UBQLN4: variants seen among roughly 807,000 people sequenced by gnomAD.
UBQLN4 encodes the protein ubiquilin 4.
In UBQLN4, 11 loss-of-function variants were observed where a neutral mutation model predicts 60.4. That is an observed-to-expected ratio of 0.18 (90% CI 0.11 to 0.30). UBQLN4 has a LOEUF of 0.30. Ranked by LOEUF, UBQLN4 falls within the 10% of genes least tolerant of loss-of-function variation. UBQLN4 has a pLI of 1.00. For synonymous variants in UBQLN4, 258 were observed against 313.1 expected (o/e 0.82, Z 1.86); for missense variants, 417 against 795.5 (o/e 0.52, Z 5.72).
chr1:156,035,814 C>T lies in UBQLN4; in HGVS notation c.*1164G>A. The T allele has an allele frequency of 1.6e-5, 16 of 985,498 alleles. No homozygotes were observed. Among genetic ancestry groups the T allele is most frequent in the Non-Finnish European group, 1.9e-5 (16 of 829,928 alleles). 61.0% of individuals were successfully genotyped at this position (985,498 alleles called of 1,614,324 possible). ...ATATATATTCCTGCAATGGACTGAC[C>T]TTTTTACCCACTTGTCTCTGGTGGT... On this transcript the variant is annotated 3_prime_UTR_variant, in exon 11 of 11. Transcript: ENST00000368309.
rs1208696063 is a variant in UBQLN4, at chr1:156,044,029, G to T, written c.1095C>A (p.Pro365=). 5 of 1,612,246 alleles carry T rather than the reference G, an allele frequency of 3.1e-6. No homozygotes were observed. Among genetic ancestry groups the T allele is most frequent in the Non-Finnish European group, 4.2e-6 (5 of 1,178,990 alleles). ...CCAGGCTAGCCGCATTGATCCCAAA[G>T]GGGTTCGAGACTGTCGGGTGCACCT... ...TSQVHPTVSN[P]FGINAASLGS... is the part of the protein sequence containing the mutation. The change falls in exon 6 of 11, where the codon CCC becomes CCA. Residue 365 remains proline, a synonymous_variant. Coordinates refer to ENST00000368309, the MANE Select transcript of UBQLN4 (RefSeq NM_020131.5).
intron 2 of UBQLN4, 60 bp from the exon 3 acceptor site, chr1:156,051,387 G>A: frequency 6.6e-7 from 1 of 1,526,028 alleles, no homozygotes; most frequent in Non-Finnish European, 8.9e-7. Context: ...AAGGTACCGT[G>A]ACAATCTCTG....
At position 156,053,683 on chromosome 1, in the gene UBQLN4, C is replaced by A. The variant is rs1465853832; in HGVS notation, c.19G>T (p.Ala7Ser). 14 of 1,310,584 alleles carry A rather than the reference C, an allele frequency of 1.1e-5. No individual in the cohort carries two copies. In the South Asian group the frequency reaches 2.4e-4, roughly 23 times the overall value. 81.2% of individuals were successfully genotyped at this position (1,310,584 alleles called of 1,614,324 possible). A position where few individuals can be genotyped will look rare whatever the true frequency, so the allele number is the denominator to read the frequency against. The change falls in exon 1 of 11, where the codon GCC (alanine) becomes TCC (serine). Residue 7 changes from alanine (A) to serine (S), a missense_variant. By Grantham distance (99) the Ala-to-Ser change is moderately conservative. Transcript: ENST00000368309. The stretch of plus-strand genomic sequence containing the variant: ...ACCCGAATGGGGGGCCTCGTCTCGG[C>A]CCCGCTCGGCTCCGCCATGCCGCCG... The part of the protein sequence containing the change: MAEPSG[A>S]ETRPPIRVTV...
chr1:156,039,829 C>T (rs572121034), intron 10 of UBQLN4, among the ~76,000 whole-genome samples: 18 of 141,464 alleles, frequency 1.3e-4, no homozygotes, highest in East Asian at 2.4e-4. Context: ...CCCAGCTACT[C>T]GGGAGGCTGA....
At position 156,041,598 on chromosome 1, in the gene UBQLN4, G is replaced by A; in HGVS notation, c.1540C>T (p.Pro514Ser). 1 of 1,612,300 alleles carries A rather than the reference G, an allele frequency of 6.2e-7. No individual in the cohort carries two copies. The highest frequency in any genetic ancestry group is 8.5e-7 in the Non-Finnish European group (1 of 1,179,222). The change falls in exon 10 of 11, where the codon CCC (proline) becomes TCC (serine). Residue 514 changes from proline (P) to serine (S), a missense_variant. Coordinates refer to ENST00000368309, the MANE Select transcript of UBQLN4 (RefSeq NM_020131.5). Reference sequence around the variant, plus strand: ...GCTGGCGTGGCTGGTGAGGAAGTGGGGGCCTCGGGCGTAGACCCTGCGTTG... The same window carrying A: ...GCTGGCGTGGCTGGTGAGGAAGTGGAGGCCTCGGGCGTAGACCCTGCGTTG... ...GSNAGSTPEA[P>S]TSSPATPATS...
intron 5 of UBQLN4, among the ~76,000 whole-genome samples, chr1:156,047,985 A>G (rs1279767555): frequency 1.3e-5 from 2 of 152,200 alleles, no homozygotes; most frequent in Admixed American, 6.5e-5. Flanking sequence ...TAAAAACAAA[A>G]AAAAAGAATG....
In UBQLN4 at chr1:156,035,639, GC is replaced by G. The variant is rs1478104824; in HGVS notation, c.*1338del. 1.0e-6 allele frequency: 1 copy of G among 982,522 alleles called. No homozygotes were observed. The highest frequency in any genetic ancestry group is 1.8e-5 in the African/African-American group (1 of 56,986). The allele number at this position is 982,522 out of a possible 1,614,324, so 60.9% of individuals were successfully genotyped here. A position where few individuals can be genotyped will look rare whatever the true frequency, so the allele number is the denominator to read the frequency against. ...ATAGTTAAGAACTGAAAGGCCAGGGGCTCTGGAGGAAAAAAACCCTCTACTA... is the reference window on the plus strand; with the variant it reads ...ATAGTTAAGAACTGAAAGGCCAGGGGTCTGGAGGAAAAAAACCCTCTACTA... On this transcript the variant is annotated 3_prime_UTR_variant, in exon 11 of 11. Transcript: ENST00000368309.
At position 156,051,259 on chromosome 1, in the gene UBQLN4, G is replaced by T; in HGVS notation, c.329C>A (p.Thr110Asn). The T allele has an allele frequency of 6.3e-7, 1 of 1,583,054 alleles. No individual in the cohort carries two copies. Among genetic ancestry groups the T allele is most frequent in the African/African-American group, 1.3e-5 (1 of 74,432 alleles). ...STPDPASAPSTTPASPATPAQ... is the reference protein window; with the variant it reads ...STPDPASAPSNTPASPATPAQ... Reference sequence around the variant, plus strand: ...AGGGGTGGCGGGTGAAGCAGGCGTGGTGGAGGGTGCTGAGGCAGGGTCAGG... The same window carrying T: ...AGGGGTGGCGGGTGAAGCAGGCGTGTTGGAGGGTGCTGAGGCAGGGTCAGG... The change falls in exon 3 of 11, where the codon ACC (threonine) becomes AAC (asparagine). Residue 110 changes from threonine to asparagine, a missense_variant. By Grantham distance (65) the Thr-to-Asn change is moderately conservative. Transcript: ENST00000368309.
At chr1:156,042,715 T>G (rs1683600544) in intron 7 of UBQLN4, 59 bp downstream of exon 7, 2 of 1,589,532 alleles carry the variant, frequency 1.3e-6, no homozygotes, top group African/African-American at 2.7e-5. Flanking sequence ...CACAAGAAAC[T>G]GCCCCCAACC....
At chr1:156,051,480 G>C (rs1005621943) in intron 2 of UBQLN4, among the ~76,000 whole-genome samples, 153 bp from the exon 3 acceptor site, 1 of 152,164 alleles carries the variant, frequency 6.6e-6, no homozygotes, top group Non-Finnish European at 1.5e-5. Context: ...CGGGAGGGCA[G>C]TCAGTAAACC....
At chr1:156,033,126 T>G (rs1453512260), downstream of UBQLN4, 3 of 839,024 alleles carry the variant, frequency 3.6e-6, no homozygotes, top group Non-Finnish European at 4.3e-6. Context: ...TTGCCAATAC[T>G]TATGTAGCTG....
Position 156,050,655 on chromosome 1 carries a change from C to T in UBQLN4, c.479-102G>A. ...TCCAGGACACGCCCCAAATGCTTCTCACATGTCCCTCTTCCTGTCATTCCC... is the reference window on the plus strand; with the variant it reads ...TCCAGGACACGCCCCAAATGCTTCTTACATGTCCCTCTTCCTGTCATTCCC... On this transcript the variant is annotated intron_variant, in intron 3 of 10. Transcript: ENST00000368309. This position sits in a 1 kb window ranked among gnomAD's most constrained non-coding sequence, Gnocchi z 4.6. 1 of 1,441,270 alleles carries T rather than the reference C, an allele frequency of 6.9e-7. No homozygotes were observed. Among genetic ancestry groups the T allele is most frequent in the Admixed American group, 2.7e-5 (1 of 37,124 alleles). The allele number at this position is 1,441,270 out of a possible 1,614,324, so 89.3% of individuals were successfully genotyped here.
downstream of UBQLN4, chr1:156,035,183 A>G (rs1036144399): frequency 6.8e-5 from 61 of 891,770 alleles, no homozygotes; most frequent in Admixed American, 1.2e-4. Flanking sequence ...ATATTTCTTA[A>G]CATCTGTAGT....
chr1:156,035,710 C>G lies in UBQLN4; in HGVS notation c.*1268G>C, dbSNP rs1683381430. On this transcript the variant is annotated 3_prime_UTR_variant, in exon 11 of 11. Transcript: ENST00000368309. ...GGTGATAAGGGTGCTAGTCACAGCC[C>G]TGACAGCTTCAGAAAGGGTACCCAC... The G allele has an allele frequency of 2.2e-5, 22 of 985,082 alleles. No individual in the cohort carries two copies. The highest frequency in any genetic ancestry group is 2.7e-5 in the Non-Finnish European group (22 of 829,870). 61.0% of individuals were successfully genotyped at this position (985,082 alleles called of 1,614,324 possible). A position where few individuals can be genotyped will look rare whatever the true frequency, so the allele number is the denominator to read the frequency against.
At chr1:156,044,358 A>C (rs1364732630) in intron 5 of UBQLN4, 135 bp from the exon 6 acceptor site, 7 of 782,698 alleles carry the variant, frequency 8.9e-6, no homozygotes, top group Non-Finnish European at 1.4e-5. Context: ...AGAGGTCCTC[A>C]GTTCAGTTCT....
chr1:156,043,888 T>C (rs1029665671), intron 6 of UBQLN4, 110 bp downstream of exon 6: 21 of 1,225,148 alleles, frequency 1.7e-5, no homozygotes, highest in Non-Finnish European at 2.4e-5. Flanking sequence ...GTGGCCTCGA[T>C]AGTCTCACCT....
intron 10 of UBQLN4, among the ~76,000 whole-genome samples, chr1:156,040,007 T>C (rs1683512948): frequency 6.7e-6 from 1 of 149,752 alleles, no homozygotes; most frequent in African/African-American, 2.5e-5. Context: ...CCACCTGGTG[T>C]TGAAAGGAAC....
downstream of UBQLN4, among the ~76,000 whole-genome samples, chr1:156,033,914 C>T (rs928255322): frequency 6.6e-6 from 1 of 151,890 alleles, no homozygotes; most frequent in African/African-American, 2.4e-5. Flanking sequence ...TCTCAGCAAC[C>T]TTTTCCTAAC....
rs370673501 is a variant in UBQLN4, at chr1:156,036,305, C to A, written c.*673G>T. 1.0e-6 allele frequency: 1 copy of A among 985,500 alleles called. No homozygotes were observed. The highest frequency in any genetic ancestry group is 1.2e-6 in the Non-Finnish European group (1 of 829,994). 61.0% of individuals were successfully genotyped at this position (985,500 alleles called of 1,614,324 possible). Reference sequence around the variant, plus strand: ...TAATCTCATTCCCTCCTCTTTCACACGAATTTCCTCTGGGCTGCTCCAGCG... The same window carrying A: ...TAATCTCATTCCCTCCTCTTTCACAAGAATTTCCTCTGGGCTGCTCCAGCG... On this transcript the variant is annotated 3_prime_UTR_variant, in exon 11 of 11. Coordinates refer to ENST00000368309, the MANE Select transcript of UBQLN4 (RefSeq NM_020131.5).
Sources: allele counts gnomAD v4.1 joint callset (sites outside exome capture counted in the v4.1 genomes callset), GRCh38; gene constraint gnomAD v4.1.1; non-coding constraint Gnocchi (gnomAD v3.1); transcripts MANE v1.5; gene names NCBI Gene and HGNC (gene_info 2026-07-23, HGNC 2026-07-21).